The following FYB1 variants were observed in gnomAD, a reference collection of about 807,000 sequenced individuals.
FYB1 encodes FYN-binding protein 1.
In FYB1, 41 loss-of-function variants were observed where a neutral mutation model predicts 94.1. That is an observed-to-expected ratio of 0.44 (90% CI 0.34 to 0.57). FYB1 has a LOEUF of 0.57. Among genes scored for constraint, FYB1 ranks in the 20% least tolerant of loss-of-function variants. The pLI, the probability that FYB1 is intolerant of heterozygous loss-of-function variation, is 0.02. For synonymous variants in FYB1, 367 were observed against 353.2 expected, an observed-to-expected ratio of 1.04 and a Z score of -0.44; for missense variants, 1,050 against 976.8, an observed-to-expected ratio of 1.07 and a Z score of -1.00.
At position 39,118,878 on chromosome 5, in the gene FYB1, C is replaced by T. The variant is rs1739811660; in HGVS notation, c.2397G>A (p.Gly799=). 1.3e-6 allele frequency: 2 copies of T among 1,504,124 alleles called. No homozygotes were observed. The highest frequency in any genetic ancestry group is 1.8e-6 in the Non-Finnish European group (2 of 1,117,568). The allele number at this position is 1,504,124 out of a possible 1,614,324, so 93.2% of individuals were successfully genotyped here. The change falls in exon 16 of 19, where the codon GGG becomes GGA. Residue 799 remains glycine (G), a synonymous_variant. Transcript: ENST00000512982. ...ATAGTATAAGCAGTGACTTACATTT[C>T]CCTTCTTCATTTCTGCAGAGAACTT... The part of the protein sequence containing the change: ...DTKVLCRNEE[G]KYGYVLRSYL...
chr5:39,139,991 C>G (rs1742019271), intron 4 of FYB1: 1 of 152,150 alleles, frequency 6.6e-6, no homozygotes, highest in South Asian at 2.1e-4. Context: ...TGGATTTCTA[C>G]TAACTCCTCA....
At chr5:39,201,781 C>T (rs1308395010) in intron 2 of FYB1, 45 bp downstream of exon 2, 6 of 1,522,360 alleles carry the variant, frequency 3.9e-6, no homozygotes, top group Non-Finnish European at 5.3e-6. Flanking sequence ...ACATTCTCTG[C>T]CTTGGAGTAA....
chr5:39,137,663 C>G lies in FYB1; in HGVS notation c.1452G>C (p.Glu484Asp). 6.5e-7 allele frequency: 1 copy of G among 1,535,696 alleles called. No homozygotes were observed. Among genetic ancestry groups the G allele is most frequent in the South Asian group, 1.2e-5 (1 of 83,754 alleles). ...TCTCTTTCTGTTCCTTTTTCTCCAG[C>G]TCTAACCTCTTCTTTTCTTCCTTTT... Reference protein sequence around the residue: ...KREKEEKKRLELEKKEQKEKE... With the variant: ...KREKEEKKRLDLEKKEQKEKE... Residue 484 changes from glutamate to aspartate, a missense_variant, in exon 7 of 19, where the codon GAG becomes GAC. Glu to Asp is a conservative substitution (Grantham distance 45, BLOSUM62 2). Coordinates refer to ENST00000512982, the MANE Select transcript of FYB1 (RefSeq NM_001465.6).
intron 1 of FYB1, among the ~76,000 whole-genome samples, 160 bp downstream of exon 1, chr5:39,219,283 C>T (rs949404907): frequency 6.6e-6 from 1 of 152,212 alleles, no homozygotes; most frequent in Non-Finnish European, 1.5e-5. Context: ...GTTTTAGTGT[C>T]TCCTGTTCAT....
At chr5:39,232,490 A>G (rs1484968955) in intron 1 of FYB1, among the ~76,000 whole-genome samples, 3 of 151,756 alleles carry the variant, frequency 2.0e-5, no homozygotes, top group Non-Finnish European at 2.9e-5. Flanking sequence ...ATGTAAAGCC[A>G]TTGTAAGTGT....
chr5:39,225,802 G>A lies in FYB1; in HGVS notation c.-27-22815C>T, dbSNP rs573550393. 5.9e-5 allele frequency among the ~76,000 whole-genome samples: 9 copies of A among 152,310 alleles called. 1 individual carries two copies. The highest frequency in any genetic ancestry group is 2.2e-4 in the African/African-American group (9 of 41,570). ...TTTTGGAGGCAACTGATAAAAAAGA[G>A]TGGAGAGAGAAAATCATTGCACTAG... On this transcript the variant is annotated intron_variant, in intron 1 of 1. Transcript: ENST00000510188.
intron 16 of FYB1, among the ~76,000 whole-genome samples, chr5:39,113,287 C>A (rs1453815050): frequency 2.6e-5 from 4 of 151,986 alleles, no homozygotes; most frequent in Non-Finnish European, 5.9e-5. Context: ...ACAACAACAA[C>A]AAAAATCTCA....
chr5:39,136,710 T>C (rs758293562), intron 7 of FYB1, among the ~76,000 whole-genome samples: 12 of 152,202 alleles, frequency 7.9e-5, no homozygotes, highest in Non-Finnish European at 8.8e-5. Context: ...GCTGACTTGA[T>C]GCTATACATT....
chr5:39,193,106 C>A (rs1354327657), intron 2 of FYB1, among the ~76,000 whole-genome samples: 1 of 152,178 alleles, frequency 6.6e-6, no homozygotes, highest in African/African-American at 2.4e-5. Flanking sequence ...ATCATGTCCA[C>A]AAGACTCCTC....
chr5:39,271,083 A>G (rs191309073), intron 1 of FYB1, among the ~76,000 whole-genome samples: 128 of 152,168 alleles, frequency 8.4e-4, no homozygotes, highest in African/African-American at 3.0e-3. Flanking sequence ...TTGGGTATAT[A>G]GCACTTGTGT....
At chr5:39,255,234 A>C (rs756705118) in intron 1 of FYB1, among the ~76,000 whole-genome samples, 1 of 152,164 alleles carries the variant, frequency 6.6e-6, no homozygotes. Flanking sequence ...ATGGAGTTCC[A>C]TATTTCCCAG....
intron 1 of FYB1, among the ~76,000 whole-genome samples, chr5:39,236,584 T>C (rs1750976518): frequency 6.6e-6 from 1 of 152,072 alleles, no homozygotes; most frequent in South Asian, 2.1e-4. Context: ...CAGTCAAAGG[T>C]TCTCATCATA....
upstream of FYB1, among the ~76,000 whole-genome samples, chr5:39,221,618 G>A (rs113620275): frequency 0.011 from 1,607 of 152,266 alleles, 29 homozygotes; most frequent in African/African-American, 0.036. Flanking sequence ...AGTTGATCTT[G>A]GGCCATGAAG....
intron 2 of FYB1, among the ~76,000 whole-genome samples, chr5:39,181,121 G>T (rs922092423): frequency 6.6e-6 from 1 of 152,156 alleles, no homozygotes; most frequent in African/African-American, 2.4e-5. Flanking sequence ...TTTAGGGACA[G>T]AAATAACTGA....
intron 1 of FYB1, among the ~76,000 whole-genome samples, chr5:39,265,581 T>C (rs1752402450): frequency 6.6e-6 from 1 of 150,856 alleles, no homozygotes; most frequent in Admixed American, 6.6e-5. Flanking sequence ...GGCTTGAACC[T>C]GGGAGGCGGA....
At chr5:39,223,151 A>G (rs895986394), upstream of FYB1, among the ~76,000 whole-genome samples, 1 of 152,138 alleles carries the variant, frequency 6.6e-6, no homozygotes, top group African/African-American at 2.4e-5. Flanking sequence ...AAAATAAAAA[A>G]ATAAAAGCAA....
chr5:39,259,975 G>A (rs1010299641), intron 1 of FYB1, among the ~76,000 whole-genome samples: 5 of 152,262 alleles, frequency 3.3e-5, no homozygotes, highest in Admixed American at 1.3e-4. Flanking sequence ...TAGGACAGTT[G>A]GTGACTCAAC....
chr5:39,218,303 G>C (rs193108241), intron 1 of FYB1, among the ~76,000 whole-genome samples: 3 of 152,274 alleles, frequency 2.0e-5, no homozygotes, highest in Admixed American at 2.0e-4. Context: ...TTATTGGAAA[G>C]AGCACCCTTA....
intron 1 of FYB1, among the ~76,000 whole-genome samples, chr5:39,245,908 G>A (rs1751457964): frequency 6.6e-6 from 1 of 152,248 alleles, no homozygotes; most frequent in South Asian, 2.1e-4. Flanking sequence ...CCTGGAACAG[G>A]CTTTTGTACA....
Sources: gnomAD v4.1 joint callset for allele counts (sites outside exome capture counted in the v4.1 genomes callset) on GRCh38, gnomAD v4.1.1 for gene constraint, MANE v1.5 for transcripts, NCBI Gene and HGNC (gene_info 2026-07-23, HGNC 2026-07-21) for gene names.